UTP18: variants seen among roughly 807,000 people sequenced by gnomAD.
UTP18 encodes U3 small nucleolar RNA-associated protein 18 homolog.
In UTP18, 36 loss-of-function variants were observed where a neutral mutation model predicts 61.1. The ratio of observed to expected loss-of-function variants is 0.59; its 90% CI spans 0.45 to 0.78. The LOEUF is 0.78. Ranked by LOEUF, UTP18 falls within the 30% of genes least tolerant of loss-of-function variation. The pLI, the probability that UTP18 is intolerant of heterozygous loss-of-function variation, is 0.00. For missense variants in UTP18, 753 were observed against 693.9 expected, an observed-to-expected ratio of 1.09 and a Z score of -0.96; for synonymous variants, 282 against 251.1, an observed-to-expected ratio of 1.12 and a Z score of -1.16.
chr17:51,260,729 A>AT lies in UTP18; in HGVS notation c.145_146insT (p.Lys49IlefsTer71). 1 of 1,593,158 alleles carries AT rather than the reference A, an allele frequency of 6.3e-7. No homozygotes were observed. The highest frequency in any genetic ancestry group is 8.5e-7 in the Non-Finnish European group (1 of 1,170,758). ...AAAGCCTGCCCCTTCATCCCAGCGG[A>AT]AACCGCCGGCCCGGCCGAGCGCGGC... On this transcript the variant is annotated frameshift_variant, in exon 1 of 14. Coordinates refer to ENST00000225298, the MANE Select transcript of UTP18 (RefSeq NM_016001.3). LOFTEE classifies it high-confidence loss of function.
chr17:51,288,548 G>A (rs773839759), intron 11 of UTP18: 3 of 459,658 alleles, frequency 6.5e-6, no homozygotes, highest in Non-Finnish European at 1.3e-5. Flanking sequence ...CCTTTTTAAG[G>A]CCTGTTGTCT....
At chr17:51,279,865 T>TA in intron 7 of UTP18, 140 bp from the exon 8 acceptor site, 1 of 678,164 alleles carries the variant, frequency 1.5e-6, no homozygotes, top group East Asian at 2.7e-5. Context: ...CGTTTAGACT[T>TA]ATTCGGGGTC....
chr17:51,284,494 A>G (rs1401809706), intron 9 of UTP18, among the ~76,000 whole-genome samples: 4 of 152,056 alleles, frequency 2.6e-5, no homozygotes, highest in African/African-American at 9.7e-5. Context: ...TTCCTCTTCC[A>G]TCATCATTAA....
intron 7 of UTP18, among the ~76,000 whole-genome samples, chr17:51,278,526 G>A (rs866580788): frequency 8.5e-5 from 13 of 152,350 alleles, no homozygotes; most frequent in Middle Eastern, 6.8e-3. Context: ...GATCTGCTAG[G>A]TGGGCAGGAG....
chr17:51,282,886 T>TA (rs398031071), intron 9 of UTP18, among the ~76,000 whole-genome samples: 1 of 117,410 alleles, frequency 8.5e-6, no homozygotes, highest in African/African-American at 2.7e-5. Flanking sequence ...TTTTTTTTTT[T>TA]GAGACAGAGT....
At position 51,288,165 on chromosome 17, in the gene UTP18, G is replaced by T. The variant is rs763263845; in HGVS notation, c.1465G>T (p.Ala489Ser). The change falls in exon 11 of 14, where the codon GCA becomes TCA. Residue 489 changes from alanine to serine, a missense_variant. Coordinates refer to ENST00000225298, the MANE Select transcript of UTP18 (RefSeq NM_016001.3). The stretch of plus-strand genomic sequence containing the variant: ...CTTCAATCCTACTACAGAAATCTTG[G>T]CAATTGCTTCAGAAAAAATGAAAGA... ...LTFNPTTEIL[A>S]IASEKMKEAV... 3 of 1,597,560 alleles carry T rather than the reference G, an allele frequency of 1.9e-6. No individual in the cohort carries two copies. In the African/African-American group the frequency reaches 4.1e-5, roughly 22 times the overall value.
intron 13 of UTP18, 42 bp downstream of exon 13, chr17:51,297,045 T>TA (rs1433913944): frequency 2.6e-6 from 4 of 1,539,556 alleles, no homozygotes; most frequent in African/African-American, 1.4e-5. Flanking sequence ...GGTTTTAAGA[T>TA]ACACCCATTG....
chr17:51,268,700 C>T (rs1904395743), intron 3 of UTP18, 137 bp from the exon 4 acceptor site: 1 of 691,536 alleles, frequency 1.4e-6, no homozygotes, highest in African/African-American at 1.8e-5. Flanking sequence ...AACTTCTGTT[C>T]TTAAAGATAG....
intron 11 of UTP18, among the ~76,000 whole-genome samples, chr17:51,293,356 G>A (rs1245690100): frequency 1.3e-5 from 2 of 152,162 alleles, no homozygotes; most frequent in African/African-American, 4.8e-5. Context: ...TTGGAGACTT[G>A]GAAAGGTGGG....
chr17:51,271,992 G>A (rs139685326), intron 4 of UTP18, among the ~76,000 whole-genome samples: 213 of 151,984 alleles, frequency 1.4e-3, no homozygotes, highest in African/African-American at 4.8e-3. Context: ...TTTTAATTAC[G>A]TATTTTTCAG....
chr17:51,286,348 G>C (rs1249836190), intron 10 of UTP18: 1 of 375,476 alleles, frequency 2.7e-6, no homozygotes, highest in Non-Finnish European at 5.3e-6. Context: ...GTAGGTTTTT[G>C]TGATTTTCTT....
At chr17:51,275,299 G>T (rs1377889760) in intron 5 of UTP18, among the ~76,000 whole-genome samples, 1 of 152,046 alleles carries the variant, frequency 6.6e-6, no homozygotes, top group Non-Finnish European at 1.5e-5. Flanking sequence ...AAATTCAAGG[G>T]GAAACCTGTA....
Position 51,266,223 on chromosome 17 carries a change from A to C in UTP18, c.497A>C (p.Lys166Thr). 2.5e-6 allele frequency: 4 copies of C among 1,601,420 alleles called. No homozygotes were observed. Among genetic ancestry groups the C allele is most frequent in the Non-Finnish European group, 3.4e-6 (4 of 1,176,024 alleles). ...AATCGGTTTCGGAAGGATATGATGA[A>C]AAATGCTAGTGAAAGTAAACTTTCG... ...MNNRFRKDMM[K>T]NASESKLSKD... The change falls in exon 3 of 14, where the codon AAA becomes ACA. Residue 166 changes from lysine to threonine, a missense_variant. Physicochemically the swap from Lys to Thr is moderately conservative, Grantham distance 78 (BLOSUM62 -1). Coordinates refer to ENST00000225298, the MANE Select transcript of UTP18 (RefSeq NM_016001.3).
chr17:51,261,005 C>T (rs2055452377), intron 1 of UTP18, 79 bp downstream of exon 1: 3 of 1,251,276 alleles, frequency 2.4e-6, no homozygotes, highest in Non-Finnish European at 3.1e-6. Context: ...GGGGGCGGAG[C>T]CTGGGCGACC....
intron 3 of UTP18, among the ~76,000 whole-genome samples, 164 bp from the exon 4 acceptor site, chr17:51,268,673 G>C (rs146263688): frequency 6.6e-6 from 1 of 152,238 alleles, no homozygotes; most frequent in Non-Finnish European, 1.5e-5. Context: ...GGACTGTTCT[G>C]TGTGAGTAAA....
intron 11 of UTP18, among the ~76,000 whole-genome samples, chr17:51,290,288 C>T (rs1016788843): frequency 5.3e-5 from 8 of 151,834 alleles, no homozygotes; most frequent in African/African-American, 1.5e-4. Context: ...TTGTGGTGGG[C>T]GTCTGTAATC....
chr17:51,297,046 A>G, intron 13 of UTP18, 43 bp downstream of exon 13: 1 of 1,536,986 alleles, frequency 6.5e-7, no homozygotes, highest in South Asian at 1.2e-5. Context: ...GTTTTAAGAT[A>G]CACCCATTGC....
At chr17:51,273,102 G>GTGTT (rs1904581811) in intron 4 of UTP18, among the ~76,000 whole-genome samples, 1 of 151,760 alleles carries the variant, frequency 6.6e-6, no homozygotes, top group Non-Finnish European at 1.5e-5. Context: ...ATCTGTGTAT[G>GTGTT]TGTTAGTCTT....
intron 7 of UTP18, among the ~76,000 whole-genome samples, chr17:51,279,579 G>A: frequency 6.6e-6 from 1 of 152,064 alleles, no homozygotes; most frequent in Admixed American, 6.6e-5. Flanking sequence ...GTGGCCAGCA[G>A]CTAGTTTATA....
Sources: allele counts gnomAD v4.1 joint callset (sites outside exome capture counted in the v4.1 genomes callset), GRCh38; gene constraint gnomAD v4.1.1; transcripts MANE v1.5; gene names NCBI Gene and HGNC (gene_info 2026-07-23, HGNC 2026-07-21).